The following SLC14A2 variants were observed in gnomAD, a reference collection of about 807,000 sequenced individuals.
SLC14A2 encodes the protein solute carrier family 14 member 2, also known as urea transporter 2.
Under a neutral mutation model 104.6 loss-of-function variants are expected in SLC14A2, and 91 were observed. The observed-to-expected ratio is 0.87, with a 90% CI of 0.73 to 1.04. The LOEUF (loss-of-function observed/expected upper bound fraction) is 1.04, where lower values mean the gene tolerates loss of function less well. Ranked by LOEUF, SLC14A2 falls within the 50% of genes least tolerant of loss-of-function variation. The pLI is 0.00. For missense variants in SLC14A2, 1,189 were observed against 1,156.0 expected, an observed-to-expected ratio of 1.03 and a Z score of -0.41; for synonymous variants, 476 against 466.4, an observed-to-expected ratio of 1.02 and a Z score of -0.27.
intron 4 of SLC14A2, among the ~76,000 whole-genome samples, chr18:45,630,483 G>A (rs995799085): frequency 6.6e-6 from 1 of 152,066 alleles, no homozygotes; most frequent in Non-Finnish European, 1.5e-5. Context: ...GATGGAATGT[G>A]GTCTTAATGG....
the SLC14A2 span, among the ~76,000 whole-genome samples, chr18:45,189,198 G>A: frequency 1.3e-5 from 2 of 152,180 alleles, no homozygotes; most frequent in Admixed American, 1.3e-4. Flanking sequence ...TATGCTCAAA[G>A]ATTACATGCT....
At chr18:45,555,459 T>TTG (rs1334293168) in intron 2 of SLC14A2, among the ~76,000 whole-genome samples, 1 of 152,156 alleles carries the variant, frequency 6.6e-6, no homozygotes, top group African/African-American at 2.4e-5. Context: ...AAAATATAAG[T>TTG]TGGGGAGCAG....
At chr18:45,362,216 C>T (rs1168380457) in intron 1 of SLC14A2, among the ~76,000 whole-genome samples, 1 of 152,224 alleles carries the variant, frequency 6.6e-6, no homozygotes, top group African/African-American at 2.4e-5. Context: ...TTCCTGAGGC[C>T]TCCCCAGCCA....
chr18:45,433,504 A>G lies in SLC14A2; in HGVS notation c.-124-49729A>G, dbSNP rs557673103. Among the ~76,000 whole-genome samples the G allele has an allele frequency of 7.9e-5, 12 of 152,316 alleles. No individual in the cohort carries two copies. In the South Asian group the frequency reaches 2.3e-3, roughly 29 times the overall value. On this transcript the variant is annotated intron_variant, in intron 1 of 20. Transcript: ENST00000586448. Reference sequence around the variant, plus strand: ...ATGCTTTCTTTATTTCTGAAACACCAGGGGACTCCACACTATTCTTGTGAC... The same window carrying G: ...ATGCTTTCTTTATTTCTGAAACACCGGGGGACTCCACACTATTCTTGTGAC...
chr18:45,402,318 A>G lies in SLC14A2; in HGVS notation c.-124-80915A>G, dbSNP rs1173344961. ...CATTTTATTTAATTATTCCGTATGA[A>G]GTAATTATGAGAGAATAATCAGCCA... On this transcript the variant is annotated intron_variant, in intron 1 of 20. Transcript: ENST00000586448. 4.6e-5 allele frequency among the ~76,000 whole-genome samples: 7 copies of G among 152,218 alleles called. No individual in the cohort carries two copies. In the South Asian group the frequency reaches 1.0e-3, roughly 23 times the overall value.
intron 2 of SLC14A2, among the ~76,000 whole-genome samples, chr18:45,534,424 A>G (rs1454380151): frequency 1.3e-5 from 2 of 152,186 alleles, no homozygotes; most frequent in Non-Finnish European, 2.9e-5. Flanking sequence ...TTAGCAGCTG[A>G]AAAAGAGCTA....
intron 2 of SLC14A2, among the ~76,000 whole-genome samples, chr18:45,508,306 T>G (rs117645241): frequency 0.09 from 13,719 of 152,270 alleles, 766 homozygotes; most frequent in Non-Finnish European, 0.12. Context: ...CATCTTGAAT[T>G]CCCATGTGTT....
intron 2 of SLC14A2, among the ~76,000 whole-genome samples, chr18:45,564,341 A>G (rs1213560088): frequency 6.6e-6 from 1 of 152,148 alleles, no homozygotes. Flanking sequence ...CACCATCTAT[A>G]TGCTTCCAGT....
At chr18:45,328,626 A>T (rs2085259366) in intron 1 of SLC14A2, among the ~76,000 whole-genome samples, 1 of 152,196 alleles carries the variant, frequency 6.6e-6, no homozygotes, top group South Asian at 2.1e-4. Flanking sequence ...GGTAAAGAAC[A>T]AGTTCCCAGA....
chr18:45,363,662 G>A (rs1344093062), intron 1 of SLC14A2, among the ~76,000 whole-genome samples: 3 of 152,194 alleles, frequency 2.0e-5, no homozygotes, highest in Admixed American at 1.3e-4. Flanking sequence ...CTTAGAAGTG[G>A]AAGATGGAGA....
chr18:45,626,805 T>C (rs1364945002), intron 3 of SLC14A2, among the ~76,000 whole-genome samples, 153 bp from the exon 4 acceptor site: 3 of 151,660 alleles, frequency 2.0e-5, no homozygotes, highest in Non-Finnish European at 4.4e-5. Context: ...GCCTCCCCTC[T>C]ACCCCCACCC....
chr18:45,318,697 G>C (rs1412842499), intron 1 of SLC14A2, among the ~76,000 whole-genome samples: 2 of 151,706 alleles, frequency 1.3e-5, no homozygotes, highest in Non-Finnish European at 2.9e-5. Flanking sequence ...TGAGGCAGGA[G>C]AATCTCTTGA....
At chr18:45,500,573 T>G in intron 2 of SLC14A2, among the ~76,000 whole-genome samples, 1 of 66,546 alleles carries the variant, frequency 1.5e-5, no homozygotes, top group African/African-American at 5.9e-5. Flanking sequence ...CGAGACTCCG[T>G]CTCAAAAAAA....
At chr18:45,472,592 A>C (rs1204343211) in intron 1 of SLC14A2, among the ~76,000 whole-genome samples, 1 of 152,062 alleles carries the variant, frequency 6.6e-6, no homozygotes, top group Non-Finnish European at 1.5e-5. Context: ...ATGGTATCGC[A>C]TTGTGGTTTT....
rs541818786 is a variant in SLC14A2, at chr18:45,347,081, C to T, written c.-125+133890C>T. ...TTTTTTAAAAAGTTTTGTGGCCCTG[C>T]GTGGTGGCTCATGCCTGTAATCCCA... On this transcript the variant is annotated intron_variant, in intron 1 of 20. Transcript: ENST00000586448. Among the ~76,000 whole-genome samples the T allele has an allele frequency of 5.9e-5, 9 of 152,246 alleles. No homozygotes were observed. The East Asian group carries it at 1.2e-3, about 20-fold the overall frequency.
At chr18:45,229,296 G>A (rs1468913639) in intron 1 of SLC14A2, among the ~76,000 whole-genome samples, 1 of 152,080 alleles carries the variant, frequency 6.6e-6, no homozygotes, top group Non-Finnish European at 1.5e-5. Flanking sequence ...GAAGTCAGAC[G>A]CTAATAATTA....
At chr18:45,210,235 G>C (rs1243915658), upstream of SLC14A2, among the ~76,000 whole-genome samples, 1 of 152,136 alleles carries the variant, frequency 6.6e-6, no homozygotes, top group Non-Finnish European at 1.5e-5. Context: ...CTCCAACACT[G>C]TGTACAGATT....
At chr18:45,567,571 T>C (rs1359269939) in intron 2 of SLC14A2, among the ~76,000 whole-genome samples, 1 of 152,130 alleles carries the variant, frequency 6.6e-6, no homozygotes, top group Non-Finnish European at 1.5e-5. Context: ...TATTTTAATC[T>C]ATTTCTGAAA....
intron 1 of SLC14A2, among the ~76,000 whole-genome samples, chr18:45,462,197 A>G (rs1670166213): frequency 6.6e-6 from 1 of 152,172 alleles, no homozygotes; most frequent in Non-Finnish European, 1.5e-5. Context: ...ATATTTTCAT[A>G]CTACTCTATA....
Sources: gnomAD v4.1 joint callset for allele counts (sites outside exome capture counted in the v4.1 genomes callset) on GRCh38, gnomAD v4.1.1 for gene constraint, MANE v1.5 for transcripts, NCBI Gene and HGNC (gene_info 2026-07-23, HGNC 2026-07-21) for gene names.